The following LAPTM4B variants were observed in gnomAD, a reference collection of about 807,000 sequenced individuals.
LAPTM4B encodes lysosomal-associated transmembrane protein 4B.
A neutral mutation model predicts 28.5 loss-of-function variants in LAPTM4B; 26 were observed. The ratio of observed to expected loss-of-function variants is 0.91; its 90% CI spans 0.67 to 1.27. LAPTM4B has a LOEUF of 1.27. LAPTM4B is among the 50% of genes most tolerant of loss of function. The pLI is 0.00. For synonymous variants in LAPTM4B, 109 were observed against 106.4 expected (o/e 1.02, Z -0.15); for missense variants, 288 against 285.8 (o/e 1.01, Z -0.06).
chr8:97,785,020 A>G (rs1816379402), intron 1 of LAPTM4B, among the ~76,000 whole-genome samples: 1 of 152,190 alleles, frequency 6.6e-6, no homozygotes, highest in African/African-American at 2.4e-5. Context: ...TAAAGGATCA[A>G]GGGCAGTTCT....
Position 97,851,400 on chromosome 8 carries a change from C to T in LAPTM4B, c.607C>T (p.Leu203=), listed in dbSNP as rs375370028. ...VYVTSNDTTV[L]LPPYDDATVN... is the part of the protein sequence containing the mutation. ...TGCCGTCCCTCTTTCTTCTCAGGTG[C>T]TGCTACCCCCGTATGATGATGCCAC... The change falls in exon 7 of 7, where the codon CTG becomes TTG. Residue 203 remains leucine, a synonymous_variant. Coordinates refer to ENST00000521545, the MANE Select transcript of LAPTM4B (RefSeq NM_018407.6). The T allele has an allele frequency of 4.3e-6, 7 of 1,613,780 alleles. No homozygotes were observed. Among genetic ancestry groups the T allele is most frequent in the Non-Finnish European group, 5.9e-6 (7 of 1,179,654 alleles).
chr8:97,812,102 G>A (rs938555402), intron 2 of LAPTM4B, among the ~76,000 whole-genome samples: 8 of 151,924 alleles, frequency 5.3e-5, no homozygotes, highest in Non-Finnish European at 1.0e-4. Flanking sequence ...CACCGCGCCC[G>A]GCCTGGCTCT....
intron 1 of LAPTM4B, among the ~76,000 whole-genome samples, chr8:97,798,241 A>G (rs2129754997): frequency 6.6e-6 from 1 of 152,240 alleles, no homozygotes; most frequent in East Asian, 1.9e-4. Context: ...GTCTGGGTTT[A>G]GTAGCTACCA....
At chr8:97,795,696 T>C (rs974653514) in intron 1 of LAPTM4B, among the ~76,000 whole-genome samples, 2 of 151,744 alleles carry the variant, frequency 1.3e-5, no homozygotes, top group African/African-American at 4.8e-5. Flanking sequence ...CTACTAAAAA[T>C]AGAAAAATTA....
At chr8:97,824,934 G>A in intron 5 of LAPTM4B, 124 bp from the exon 6 acceptor site, 1 of 598,644 alleles carries the variant, frequency 1.7e-6, no homozygotes, top group Middle Eastern at 3.4e-4. Context: ...TAGTAGAGCT[G>A]TTATAATATG....
chr8:97,846,920 A>G (rs1164468719), intron 6 of LAPTM4B, among the ~76,000 whole-genome samples: 1 of 152,150 alleles, frequency 6.6e-6, no homozygotes, highest in African/African-American at 2.4e-5. Context: ...CTTTTATTCT[A>G]GGATGTCAGA....
rs367815122 is a variant in LAPTM4B at position 97,799,120 on chromosome 8, C to T, written c.100-6233C>T. Among the ~76,000 whole-genome samples the T allele has an allele frequency of 1.2e-4, 18 of 152,306 alleles. No homozygotes were observed. In the South Asian group the frequency reaches 3.7e-3, roughly 32 times the overall value. On this transcript the variant is annotated intron_variant, in intron 1 of 6. Transcript: ENST00000521545. ...GGGTTCCAACCTTGGCTCTCCCACA[C>T]ATAGGCCCTAAGATAAAGTCACTAA... is the stretch of plus-strand genomic sequence containing the variant.
chr8:97,820,838 C>T (rs1816991947), intron 5 of LAPTM4B, among the ~76,000 whole-genome samples: 1 of 151,918 alleles, frequency 6.6e-6, no homozygotes, highest in African/African-American at 2.4e-5. Context: ...AAGCAATTCT[C>T]CTGCCTCAGT....
At chr8:97,809,374 G>C (rs1286536714) in intron 2 of LAPTM4B, among the ~76,000 whole-genome samples, 1 of 152,176 alleles carries the variant, frequency 6.6e-6, no homozygotes, top group Non-Finnish European at 1.5e-5. Context: ...GAGTTCATAT[G>C]AGTATAATGG....
At chr8:97,801,843 C>CGA (rs780451495) in intron 1 of LAPTM4B, among the ~76,000 whole-genome samples, 18 of 131,362 alleles carry the variant, frequency 1.4e-4, no homozygotes, top group African/African-American at 5.3e-4. Context: ...AACTCCATCT[C>CGA]AAAAAAAAAA....
chr8:97,822,528 T>TTTTATTTATGTATTTA lies in LAPTM4B; in HGVS notation c.508-2521_508-2520insGTATTTATTTATTTAT, dbSNP rs374982925. ...TTAGCTTCTGTCAGTATGACTTCTA[T>TTTTATTTATGTATTTA]TTTATTTATTTATTTATTTATTTAT... is the stretch of plus-strand genomic sequence containing the variant. On this transcript the variant is annotated intron_variant, in intron 5 of 6. Coordinates refer to ENST00000521545, the MANE Select transcript of LAPTM4B (RefSeq NM_018407.6). Among the ~76,000 whole-genome samples the TTTTATTTATGTATTTA allele has an allele frequency of 2.8e-5, 4 of 143,422 alleles. No homozygotes were observed. The East Asian group carries it at 6.7e-4, about 24-fold the overall frequency. The allele number at this position is 143,422 out of a possible 152,430, so 94.1% of individuals were successfully genotyped here.
chr8:97,803,700 G>A (rs1157508611), intron 1 of LAPTM4B, among the ~76,000 whole-genome samples: 1 of 152,128 alleles, frequency 6.6e-6, no homozygotes, highest in Non-Finnish European at 1.5e-5. Flanking sequence ...TCAGGTTGGA[G>A]TGCAGTGGCG....
Position 97,815,475 on chromosome 8 carries a change from T to G in LAPTM4B, c.285+74T>G. ...GTGTAATCTGTGCTGCTGTCTATAGTGAGAAGTGACTTTCCAGTTTTCTGT... is the reference window on the plus strand; with the variant it reads ...GTGTAATCTGTGCTGCTGTCTATAGGGAGAAGTGACTTTCCAGTTTTCTGT... On this transcript the variant is annotated intron_variant, in intron 3 of 6. Transcript: ENST00000521545. 9 of 1,050,006 alleles carry G rather than the reference T, an allele frequency of 8.6e-6. No homozygotes were observed. In the South Asian group the frequency reaches 9.4e-5, roughly 11 times the overall value. 65.0% of individuals were successfully genotyped at this position (1,050,006 alleles called of 1,614,324 possible).
rs766459141 is a variant in LAPTM4B at position 97,815,394 on chromosome 8, C to T, written c.278C>T (p.Ala93Val). ...ATATGTGCTATGGCTACTTACGGAGCGTACAAGGTAAGCCGCTTGCAGTAA... is the reference window on the plus strand; with the variant it reads ...ATATGTGCTATGGCTACTTACGGAGTGTACAAGGTAAGCCGCTTGCAGTAA... ...ILICAMATYG[A>V]YKQRAAWIIP... Residue 93 changes from alanine to valine, a missense_variant, in exon 3 of 7, where the codon GCG (alanine) becomes GTG (valine). By Grantham distance (64) the Ala-to-Val change is moderately conservative. Coordinates refer to ENST00000521545, the MANE Select transcript of LAPTM4B (RefSeq NM_018407.6). The T allele has an allele frequency of 3.1e-5, 50 of 1,612,422 alleles. No individual in the cohort carries two copies. In the Admixed American group the frequency reaches 4.3e-4, roughly 14 times the overall value.
At chr8:97,786,079 C>T (rs1816395565) in intron 1 of LAPTM4B, among the ~76,000 whole-genome samples, 1 of 152,204 alleles carries the variant, frequency 6.6e-6, no homozygotes, top group Non-Finnish European at 1.5e-5. Flanking sequence ...GCTGATTTGT[C>T]ATTGGTCAAA....
At chr8:97,820,954 T>C (rs997724237) in intron 5 of LAPTM4B, among the ~76,000 whole-genome samples, 9 of 151,394 alleles carry the variant, frequency 5.9e-5, no homozygotes, top group African/African-American at 2.2e-4. Context: ...GTCAAACTCC[T>C]GACCTCAGGT....
intron 6 of LAPTM4B, among the ~76,000 whole-genome samples, chr8:97,845,874 C>T (rs1225219821): frequency 9.0e-5 from 4 of 44,454 alleles, no homozygotes; most frequent in African/African-American, 2.4e-4. Context: ...TTCCACTCCC[C>T]TCCCCTCCCC....
In LAPTM4B at chr8:97,775,921, G is replaced by A; in HGVS notation, c.-89G>A. 8.2e-7 allele frequency: 1 copy of A among 1,218,948 alleles called. No homozygotes were observed. Among genetic ancestry groups the A allele is most frequent in the Non-Finnish European group, 1.1e-6 (1 of 909,032 alleles). 75.5% of individuals were successfully genotyped at this position (1,218,948 alleles called of 1,614,324 possible). ...GGCCGGGAGCCGGAGCGGCGGAGGA[G>A]CCGGCAGCAGCGGCGCGGCGGGCTC... On this transcript the variant is annotated 5_prime_UTR_variant, in exon 1 of 7. Transcript: ENST00000521545.
At chr8:97,776,211 T>C in intron 1 of LAPTM4B, 103 bp downstream of exon 1, 1 of 1,251,068 alleles carries the variant, frequency 8.0e-7, no homozygotes, top group South Asian at 1.7e-5. Flanking sequence ...CTCATCCGCC[T>C]AAAGTTGTAT....
Sources: allele counts gnomAD v4.1 joint callset (sites outside exome capture counted in the v4.1 genomes callset), GRCh38; gene constraint gnomAD v4.1.1; transcripts MANE v1.5; gene names NCBI Gene and HGNC (gene_info 2026-07-23, HGNC 2026-07-21).